The following ARHGAP25 variants were observed in gnomAD, a reference collection of about 807,000 sequenced individuals.
ARHGAP25 encodes the protein rho GTPase-activating protein 25.
A neutral mutation model predicts 71.0 loss-of-function variants in ARHGAP25; 34 were observed. The observed-to-expected ratio is 0.48, with a 90% CI of 0.36 to 0.64. ARHGAP25 has a LOEUF of 0.64. ARHGAP25 is among the 30% of genes least tolerant of loss of function. ARHGAP25 has a pLI of 0.00. For synonymous variants in ARHGAP25, 282 were observed against 296.5 expected, an observed-to-expected ratio of 0.95 and a Z score of 0.50; for missense variants, 706 against 805.1, an observed-to-expected ratio of 0.88 and a Z score of 1.49.
intron 6 of ARHGAP25, among the ~76,000 whole-genome samples, chr2:68,814,506 C>T (rs1386049671): frequency 6.6e-6 from 1 of 152,134 alleles, no homozygotes; most frequent in African/African-American, 2.4e-5. Context: ...TAATATCAGC[C>T]ATGCCTAGGA....
At chr2:68,720,623 T>A (rs188002619) in intron 2 of ARHGAP25, among the ~76,000 whole-genome samples, 2 of 152,348 alleles carry the variant, frequency 1.3e-5, no homozygotes, top group East Asian at 3.9e-4. Flanking sequence ...CTACGCTAGA[T>A]GTTTTGGGGC....
At chr2:68,790,970 C>T (rs1267251804) in intron 4 of ARHGAP25, among the ~76,000 whole-genome samples, 2 of 152,202 alleles carry the variant, frequency 1.3e-5, no homozygotes, top group African/African-American at 4.8e-5. Context: ...CACCAGCCTC[C>T]TCAAACATCC....
intron 1 of ARHGAP25, among the ~76,000 whole-genome samples, chr2:68,747,448 G>T (rs4128748): frequency 0.051 from 7,735 of 152,262 alleles, 264 homozygotes; most frequent in Middle Eastern, 0.096. Flanking sequence ...AGCATGGAGT[G>T]CTGTATGAGT....
intron 2 of ARHGAP25, among the ~76,000 whole-genome samples, chr2:68,729,004 C>CATATA (rs1187602424): frequency 6.6e-6 from 1 of 152,328 alleles, no homozygotes; most frequent in East Asian, 1.9e-4. Flanking sequence ...CAAAAGACCA[C>CATATA]ATATTACAGT....
At chr2:68,798,460 C>G (rs577257197) in intron 4 of ARHGAP25, among the ~76,000 whole-genome samples, 1 of 151,490 alleles carries the variant, frequency 6.6e-6, no homozygotes, top group Non-Finnish European at 1.5e-5. Context: ...TGCTATGTGC[C>G]CAGTTCTATG....
At position 68,792,645 on chromosome 2, in the gene ARHGAP25, T is replaced by G. The variant is rs557646714; in HGVS notation, c.466+4689T>G. On this transcript the variant is annotated intron_variant, in intron 4 of 10. Coordinates refer to ENST00000409202, the MANE Select transcript of ARHGAP25 (RefSeq NM_001007231.3). ...GAACAGTAAGTATACCATTGTGTAT[T>G]TATACCATATTTTCTTCATCCGATC... 4.6e-5 allele frequency among the ~76,000 whole-genome samples: 7 copies of G among 152,362 alleles called. No homozygotes were observed. In the South Asian group the frequency reaches 1.4e-3, roughly 32 times the overall value.
At chr2:68,758,881 A>C (rs1439636395) in intron 1 of ARHGAP25, among the ~76,000 whole-genome samples, 2 of 152,080 alleles carry the variant, frequency 1.3e-5, no homozygotes, top group Admixed American at 6.5e-5. Context: ...ATCGATTTTA[A>C]AAGGTAGGTA....
Position 68,815,443 on chromosome 2 carries a change from C to CTTTTTTTT in ARHGAP25, c.808-828_808-821dup, listed in dbSNP as rs796100406. On this transcript the variant is annotated intron_variant, in intron 6 of 10. Coordinates refer to ENST00000409202, the MANE Select transcript of ARHGAP25 (RefSeq NM_001007231.3). ...CACCGGCATGTGAATTGTGTACTCTCTTTTTTTTTTTTTTTTTTTTTTTTT... is the reference window on the plus strand; with the variant it reads ...CACCGGCATGTGAATTGTGTACTCTCTTTTTTTTTTTTTTTTTTTTTTTTTTTTTTTTT... Among the ~76,000 whole-genome samples, 19 of 62,330 alleles carry CTTTTTTTT rather than the reference C, an allele frequency of 3.0e-4. 1 individual carries two copies. Among genetic ancestry groups the CTTTTTTTT allele is most frequent in the East Asian group, 5.2e-4 (1 of 1,912 alleles). The allele number at this position is 62,330 out of a possible 152,430, so 40.9% of individuals were successfully genotyped here.
At chr2:68,813,146 C>A in intron 5 of ARHGAP25, 141 bp from the exon 6 acceptor site, 1 of 871,638 alleles carries the variant, frequency 1.1e-6, no homozygotes, top group African/African-American at 1.7e-5. Context: ...TGGTCTGATT[C>A]TTCTTTATCA....
At chr2:68,787,767 G>C in intron 3 of ARHGAP25, 73 bp from the exon 4 acceptor site, 1 of 1,246,838 alleles carries the variant, frequency 8.0e-7, no homozygotes, top group Non-Finnish European at 1.2e-6. Context: ...TTTAGGTCTG[G>C]TTCCCTTCTC....
At chr2:68,790,394 C>A (rs1305504831) in intron 4 of ARHGAP25, among the ~76,000 whole-genome samples, 1 of 152,170 alleles carries the variant, frequency 6.6e-6, no homozygotes, top group African/African-American at 2.4e-5. Flanking sequence ...GACATTTGTT[C>A]TTCCTATTTG....
chr2:68,796,885 G>T (rs556382168), intron 4 of ARHGAP25, among the ~76,000 whole-genome samples: 99 of 152,284 alleles, frequency 6.5e-4, no homozygotes, highest in Non-Finnish European at 1.2e-3. Flanking sequence ...TGGGTATAAA[G>T]GTGGTCATGA....
chr2:68,824,568 A>G (rs556928642), intron 10 of ARHGAP25, among the ~76,000 whole-genome samples: 4 of 152,086 alleles, frequency 2.6e-5, no homozygotes, highest in Non-Finnish European at 4.4e-5. Flanking sequence ...CGGTGAAACC[A>G]TGTCTCTCCT....
chr2:68,739,015 G>A (rs755058421), intron 1 of ARHGAP25, among the ~76,000 whole-genome samples: 1 of 152,150 alleles, frequency 6.6e-6, no homozygotes, highest in Non-Finnish European at 1.5e-5. Context: ...TTCTCTCCAC[G>A]AAGTGCATGC....
chr2:68,744,711 A>G (rs545955913), intron 1 of ARHGAP25, among the ~76,000 whole-genome samples: 11 of 152,348 alleles, frequency 7.2e-5, no homozygotes, highest in Admixed American at 3.3e-4. Flanking sequence ...AAAAAGCCAC[A>G]AATCAAGCTT....
At chr2:68,802,364 C>G (rs986258426) in intron 4 of ARHGAP25, among the ~76,000 whole-genome samples, 1 of 144,346 alleles carries the variant, frequency 6.9e-6, no homozygotes, top group Non-Finnish European at 1.5e-5. Flanking sequence ...GCCAAGATTG[C>G]GCCACTGCAC....
chr2:68,792,208 C>T (rs1679226442), intron 4 of ARHGAP25, among the ~76,000 whole-genome samples: 1 of 152,182 alleles, frequency 6.6e-6, no homozygotes. Context: ...ACATTGTTCT[C>T]CTTTACCCAA....
chr2:68,792,272 G>A (rs1679231114), intron 4 of ARHGAP25, among the ~76,000 whole-genome samples: 1 of 152,140 alleles, frequency 6.6e-6, no homozygotes, highest in Admixed American at 6.5e-5. Flanking sequence ...ATTATTATTA[G>A]TATAAATTTA....
intron 7 of ARHGAP25, chr2:68,816,987 A>G (rs1289965899): frequency 1.3e-5 from 2 of 152,378 alleles, no homozygotes; most frequent in African/African-American, 2.4e-5. Context: ...AACAAGCACT[A>G]TTAACACTTT....
Sources: gnomAD v4.1 joint callset for allele counts (sites outside exome capture counted in the v4.1 genomes callset) on GRCh38, gnomAD v4.1.1 for gene constraint, MANE v1.5 for transcripts, NCBI Gene and HGNC (gene_info 2026-07-23, HGNC 2026-07-21) for gene names.